Variants in ADAMTSL1 observed in about 807,000 individuals in gnomAD.
ADAMTSL1 encodes ADAMTS like 1.
A neutral mutation model predicts 201.8 loss-of-function variants in ADAMTSL1; 126 were observed. The observed-to-expected ratio is 0.62, with a 90% CI of 0.54 to 0.72. The LOEUF is 0.72. Ranked by LOEUF, ADAMTSL1 falls within the 30% of genes least tolerant of loss-of-function variation. The probability of loss-of-function intolerance (pLI) is 0.00; values close to 1 mark genes in which losing one functional copy is unlikely to be tolerated. For synonymous variants in ADAMTSL1, 1,121 were observed against 903.4 expected (o/e 1.24, Z -4.32); for missense variants, 2,679 against 2,277.8 (o/e 1.18, Z -3.59).
chr9:18,593,280 C>G (rs553179674), intron 4 of ADAMTSL1, among the ~76,000 whole-genome samples: 10 of 152,190 alleles, frequency 6.6e-5, no homozygotes, highest in African/African-American at 2.4e-4. Flanking sequence ...AGTGGACATC[C>G]TTGTTGTGTT....
chr9:18,776,585 C>T (rs1018356115), intron 18 of ADAMTSL1, among the ~76,000 whole-genome samples, 196 bp from the exon 19 acceptor site: 4 of 152,182 alleles, frequency 2.6e-5, no homozygotes, highest in Admixed American at 2.0e-4. Context: ...TCCCGAAAAA[C>T]ACAGGCAGTA....
At chr9:18,605,305 T>G (rs1824939282) in intron 4 of ADAMTSL1, among the ~76,000 whole-genome samples, 1 of 152,220 alleles carries the variant, frequency 6.6e-6, no homozygotes, top group African/African-American at 2.4e-5. Flanking sequence ...TGAATCCACA[T>G]CTGCAATTTA....
chr9:18,583,070 A>C lies in ADAMTSL1; in HGVS notation c.474+8804A>C, dbSNP rs145523747. Among the ~76,000 whole-genome samples, 321 of 152,262 alleles carry C rather than the reference A, an allele frequency of 2.1e-3. 3 individuals are homozygous for C. Among genetic ancestry groups the C allele is most frequent in the African/African-American group, 7.1e-3 (294 of 41,556 alleles). ...AAATTGCTCGGTCTTGGGTATGTTT[A>C]TAAGCAGCGTGAAAATGGGCTAATA... is the stretch of plus-strand genomic sequence containing the variant. On this transcript the variant is annotated intron_variant, in intron 4 of 28. Transcript: ENST00000380548.
Position 18,198,136 on chromosome 9 carries a change from A to G in ADAMTSL1, c.207+34155A>G, listed in dbSNP as rs184990325. Among the ~76,000 whole-genome samples the G allele has an allele frequency of 2.3e-4, 35 of 152,256 alleles. No homozygotes were observed. In the East Asian group the frequency reaches 6.6e-3, roughly 29 times the overall value. ...GATGGATTGAAGGCTTAAACGTTAG[A>G]CCTAAAACCATAAAAACCCTAGAAG... is the stretch of plus-strand genomic sequence containing the variant. On this transcript the variant is annotated intron_variant, in intron 2 of 29. Transcript: ENST00000680146.
chr9:18,068,222 A>T (rs2131724033), intron 1 of ADAMTSL1, among the ~76,000 whole-genome samples: 1 of 152,268 alleles, frequency 6.6e-6, no homozygotes, highest in African/African-American at 2.4e-5. Flanking sequence ...GTGTAAGTGC[A>T]GTTGGCCCTC....
intron 1 of ADAMTSL1, among the ~76,000 whole-genome samples, chr9:18,017,980 C>G (rs1490105078): frequency 6.6e-6 from 1 of 152,002 alleles, no homozygotes; most frequent in African/African-American, 2.4e-5. Flanking sequence ...GTCTTAATAT[C>G]AGAAATTTTC....
chr9:18,539,595 C>T (rs1207232841), intron 3 of ADAMTSL1, among the ~76,000 whole-genome samples: 2 of 152,118 alleles, frequency 1.3e-5, no homozygotes, highest in African/African-American at 2.4e-5. Context: ...TGCTGTATTC[C>T]TTTCTATGAC....
At chr9:18,155,945 A>C (rs1245728126) in intron 1 of ADAMTSL1, among the ~76,000 whole-genome samples, 1 of 152,022 alleles carries the variant, frequency 6.6e-6, no homozygotes, top group Admixed American at 6.6e-5. Context: ...ATGCTGGAAG[A>C]GCTATCAGAT....
At chr9:18,225,430 G>C (rs895175654) in intron 2 of ADAMTSL1, among the ~76,000 whole-genome samples, 15 of 152,120 alleles carry the variant, frequency 9.9e-5, no homozygotes, top group Non-Finnish European at 2.2e-4. Flanking sequence ...CTCCATAGTG[G>C]ATTTTAATAA....
At chr9:18,725,527 G>A (rs1817834296) in intron 15 of ADAMTSL1, among the ~76,000 whole-genome samples, 1 of 152,138 alleles carries the variant, frequency 6.6e-6, no homozygotes, top group African/African-American at 2.4e-5. Context: ...GTCCTTCAGT[G>A]GTGAAACCAG....
At chr9:18,518,277 G>A (rs1006483078) in intron 2 of ADAMTSL1, among the ~76,000 whole-genome samples, 4 of 152,098 alleles carry the variant, frequency 2.6e-5, no homozygotes, top group African/African-American at 4.8e-5. Context: ...TCAATAGGCA[G>A]TTTTTCCACC....
chr9:18,097,122 C>G (rs1411951793), intron 1 of ADAMTSL1, among the ~76,000 whole-genome samples: 1 of 152,182 alleles, frequency 6.6e-6, no homozygotes, highest in African/African-American at 2.4e-5. Flanking sequence ...ACGTTGATCC[C>G]CATTGCAAGC....
At chr9:18,193,921 A>G (rs562125404) in intron 2 of ADAMTSL1, among the ~76,000 whole-genome samples, 1 of 152,286 alleles carries the variant, frequency 6.6e-6, no homozygotes, top group African/African-American at 2.4e-5. Flanking sequence ...GGCAAAATGC[A>G]TTACAATTCT....
At chr9:18,076,241 A>T (rs1823219518) in intron 1 of ADAMTSL1, among the ~76,000 whole-genome samples, 1 of 152,160 alleles carries the variant, frequency 6.6e-6, no homozygotes. Context: ...TATTGGAAAT[A>T]TTTTATGAAA....
At chr9:18,541,033 C>G in intron 3 of ADAMTSL1, among the ~76,000 whole-genome samples, 1 of 152,160 alleles carries the variant, frequency 6.6e-6, no homozygotes, top group Admixed American at 6.5e-5. Flanking sequence ...AAATTTCCCT[C>G]ATACTATATA....
At position 18,588,172 on chromosome 9, in the gene ADAMTSL1, G is replaced by A. The variant is rs186709864; in HGVS notation, c.474+13906G>A. Among the ~76,000 whole-genome samples, 598 of 152,188 alleles carry A rather than the reference G, an allele frequency of 3.9e-3. 2 individuals carry two copies. Among genetic ancestry groups the A allele is most frequent in the Middle Eastern group, 0.027 (8 of 294 alleles). Reference sequence around the variant, plus strand: ...CTTTTAATAATAGCCACTCTGAGGCGAAATGATACATTATTGTGGTTTTGA... The same window carrying A: ...CTTTTAATAATAGCCACTCTGAGGCAAAATGATACATTATTGTGGTTTTGA... On this transcript the variant is annotated intron_variant, in intron 4 of 28. Transcript: ENST00000380548.
chr9:18,667,241 T>C (rs1829502231), intron 9 of ADAMTSL1, among the ~76,000 whole-genome samples: 1 of 150,484 alleles, frequency 6.6e-6, no homozygotes, highest in Non-Finnish European at 1.5e-5. Context: ...TCCAGCTCCA[T>C]TTAGTTTCAC....
intron 4 of ADAMTSL1, among the ~76,000 whole-genome samples, chr9:18,597,225 A>G (rs896322276): frequency 1.3e-5 from 2 of 152,116 alleles, no homozygotes; most frequent in African/African-American, 2.4e-5. Flanking sequence ...CTTTTAATAT[A>G]TTTGTGCCTT....
At chr9:18,176,243 A>G (rs1828151245) in intron 2 of ADAMTSL1, among the ~76,000 whole-genome samples, 2 of 152,092 alleles carry the variant, frequency 1.3e-5, no homozygotes, top group South Asian at 2.1e-4. Flanking sequence ...TAAGCAAGGA[A>G]TATGTTTGAC....
Sources: gnomAD v4.1 joint callset for allele counts (sites outside exome capture counted in the v4.1 genomes callset) on GRCh38, gnomAD v4.1.1 for gene constraint, MANE v1.5 for transcripts, NCBI Gene and HGNC (gene_info 2026-07-23, HGNC 2026-07-21) for gene names.